RP1L1: variants seen among roughly 807,000 people sequenced by gnomAD.
RP1L1 encodes RP1 like 1.
RP1L1 carries 27 observed loss-of-function variants against 15.7 expected under a neutral mutation model. The observed-to-expected ratio is 1.72, with a 90% CI of 1.27 to 2.38. The LOEUF (loss-of-function observed/expected upper bound fraction) is 2.38, where lower values mean the gene tolerates loss of function less well. RP1L1 is among the 30% of genes most tolerant of loss of function. The probability of loss-of-function intolerance (pLI) is 0.00; values close to 1 mark genes in which losing one functional copy is unlikely to be tolerated. For synonymous variants in RP1L1, 1,813 were observed against 1,276.7 expected (o/e 1.42, Z -8.96); for missense variants, 4,798 against 3,075.9 (o/e 1.56, Z -13.24).
rs943269629 is a variant in RP1L1, at chr8:10,648,019, TTCTC to T, written c.-20+6875_-20+6878del. 9.2e-5 allele frequency among the ~76,000 whole-genome samples: 14 copies of T among 151,836 alleles called. No individual in the cohort carries two copies. The East Asian group carries it at 2.7e-3, about 29-fold the overall frequency. On this transcript the variant is annotated intron_variant, in intron 1 of 3. Transcript: ENST00000382483. ...CTAGCATTTGTTGTTATTTTCTGGT[TTCTC>T]TCTCTCTCTCTTTTCTTTTTTTTTT...
intron 1 of RP1L1, among the ~76,000 whole-genome samples, chr8:10,624,156 A>T (rs11779348): frequency 0.37 from 55,626 of 151,988 alleles, 11,793 homozygotes; most frequent in East Asian, 0.5. Context: ...CTCTCAGAAT[A>T]CTCATCACAT....
chr8:10,650,282 C>T (rs1320782321), intron 1 of RP1L1, among the ~76,000 whole-genome samples: 1 of 152,152 alleles, frequency 6.6e-6, no homozygotes, highest in Non-Finnish European at 1.5e-5. Context: ...AAAACAAACC[C>T]CACATTCTTC....
intron 2 of RP1L1, among the ~76,000 whole-genome samples, chr8:10,617,419 AAAG>A (rs1797985658): frequency 6.7e-6 from 1 of 150,092 alleles, no homozygotes; most frequent in East Asian, 1.9e-4. Context: ...AAAAAAAAAA[AAAG>A]AAAAAAGAAG....
chr8:10,650,059 T>C (rs1206041117), intron 1 of RP1L1, among the ~76,000 whole-genome samples: 3 of 152,194 alleles, frequency 2.0e-5, no homozygotes, highest in Non-Finnish European at 2.9e-5. Context: ...GAGAGGATTC[T>C]GAGAAAGTGT....
intron 2 of RP1L1, among the ~76,000 whole-genome samples, chr8:10,618,358 A>G (rs1429045181): frequency 6.6e-6 from 1 of 152,092 alleles, no homozygotes; most frequent in African/African-American, 2.4e-5. Context: ...AGAAAAAAAA[A>G]TTACTTGAGC....
chr8:10,647,269 A>G (rs1007234997), intron 1 of RP1L1, among the ~76,000 whole-genome samples: 1 of 152,216 alleles, frequency 6.6e-6, no homozygotes, highest in Non-Finnish European at 1.5e-5. Context: ...CCCAGGGGAC[A>G]TATCTGTGAC....
intron 1 of RP1L1, among the ~76,000 whole-genome samples, chr8:10,650,227 A>C (rs1383425310): frequency 1.3e-5 from 2 of 152,162 alleles, no homozygotes; most frequent in Non-Finnish European, 2.9e-5. Context: ...CCAGTGAGTT[A>C]ATCAACCCCA....
intron 2 of RP1L1, among the ~76,000 whole-genome samples, chr8:10,618,498 C>T (rs961770532): frequency 6.6e-6 from 1 of 152,120 alleles, no homozygotes; most frequent in African/African-American, 2.4e-5. Context: ...CAGAGTGAAA[C>T]TCCATCTCAA....
chr8:10,616,683 T>A, intron 2 of RP1L1, 96 bp from the exon 3 acceptor site: 1 of 1,383,092 alleles, frequency 7.2e-7, no homozygotes, highest in Non-Finnish European at 9.6e-7. Context: ...ACCAGCCCTG[T>A]CCTGATTTCT....
At chr8:10,641,444 A>G (rs1334057814) in intron 1 of RP1L1, among the ~76,000 whole-genome samples, 2 of 152,242 alleles carry the variant, frequency 1.3e-5, no homozygotes, top group East Asian at 3.8e-4. Flanking sequence ...ACAGCAGCAT[A>G]ACCTTGCCTA....
chr8:10,612,430 T>C lies in RP1L1; in HGVS notation c.1668A>G (p.Pro556=). The C allele has an allele frequency of 6.2e-7, 1 of 1,612,704 alleles. No individual in the cohort carries two copies. The part of the protein sequence containing the change: ...SEWGGRPQGC[P]GKARAETSQQ... Reference sequence around the variant, plus strand: ...GAGAGGTCTCGGCCCTTGCCTTGCCTGGACAGCCCTGGGGCCGCCCACCCC... The same window carrying C: ...GAGAGGTCTCGGCCCTTGCCTTGCCCGGACAGCCCTGGGGCCGCCCACCCC... Residue 556 remains proline, a synonymous_variant, in exon 4 of 4, where the codon CCA becomes CCG. Coordinates refer to ENST00000382483, the MANE Select transcript of RP1L1 (RefSeq NM_178857.6).
intron 1 of RP1L1, among the ~76,000 whole-genome samples, chr8:10,635,341 C>T (rs1250068169): frequency 6.6e-6 from 1 of 152,220 alleles, no homozygotes; most frequent in Non-Finnish European, 1.5e-5. Flanking sequence ...CTCCCCCACC[C>T]CAGGCTAATC....
At position 10,609,811 on chromosome 8, in the gene RP1L1, C is replaced by T. The variant is rs905062796; in HGVS notation, c.4287G>A (p.Glu1429=). Residue 1429 remains glutamate, a synonymous_variant, in exon 4 of 4, where the codon GAG becomes GAA. Coordinates refer to ENST00000382483, the MANE Select transcript of RP1L1 (RefSeq NM_178857.6). The part of the protein sequence containing the change: ...KGSQEDDPVQ[E]EEAGRASASA... ...AGGCAGAGGCTCTTCCTGCTTCCTC[C>T]TCCTGGACTGGGTCATCTTCCTGGG... 4 of 1,614,094 alleles carry T rather than the reference C, an allele frequency of 2.5e-6. No homozygotes were observed. Among genetic ancestry groups the T allele is most frequent in the South Asian group, 1.1e-5 (1 of 91,084 alleles).
At chr8:10,652,724 C>T (rs1798580805) in intron 1 of RP1L1, among the ~76,000 whole-genome samples, 1 of 152,138 alleles carries the variant, frequency 6.6e-6, no homozygotes, top group Non-Finnish European at 1.5e-5. Flanking sequence ...ATTCCATCTG[C>T]AGCCTGAGGC....
intron 1 of RP1L1, among the ~76,000 whole-genome samples, chr8:10,640,062 C>T (rs1798385191): frequency 6.6e-6 from 1 of 152,140 alleles, no homozygotes; most frequent in Non-Finnish European, 1.5e-5. Flanking sequence ...AAAACTAAAA[C>T]ATAAAGCTAT....
At chr8:10,646,340 A>T (rs1484116542) in intron 1 of RP1L1, among the ~76,000 whole-genome samples, 1 of 152,204 alleles carries the variant, frequency 6.6e-6, no homozygotes, top group Non-Finnish European at 1.5e-5. Context: ...GTTTCAACCC[A>T]GAAGCAGACA....
chr8:10,612,183 T>G lies in RP1L1; in HGVS notation c.1915A>C (p.Arg639=). The part of the protein sequence containing the change: ...STCTSSQQGQ[R]RHRSRASAMS... The stretch of plus-strand genomic sequence containing the variant: ...GCACTGGCCCGGCTTCTGTGCCTTC[T>G]CTGCCCCTGCTGGGATGAAGTGCAG... Residue 639 remains arginine, a synonymous_variant, in exon 4 of 4, where the codon AGA becomes CGA. Transcript: ENST00000382483. 1 of 1,613,364 alleles carries G rather than the reference T, an allele frequency of 6.2e-7. No homozygotes were observed. The highest frequency in any genetic ancestry group is 8.5e-7 in the Non-Finnish European group (1 of 1,180,004).
intron 2 of RP1L1, among the ~76,000 whole-genome samples, chr8:10,619,888 G>C (rs564761953): frequency 6.6e-6 from 1 of 151,704 alleles, no homozygotes; most frequent in Admixed American, 6.6e-5. Flanking sequence ...TTGAACCTAG[G>C]GGGCAGAGGT....
chr8:10,651,150 G>A (rs1188016290), intron 1 of RP1L1, among the ~76,000 whole-genome samples: 1 of 152,170 alleles, frequency 6.6e-6, no homozygotes, highest in African/African-American at 2.4e-5. Context: ...AAACTCCAAG[G>A]CTGTTCTTCC....
Sources: gnomAD v4.1 joint callset for allele counts (sites outside exome capture counted in the v4.1 genomes callset) on GRCh38, gnomAD v4.1.1 for gene constraint, MANE v1.5 for transcripts, NCBI Gene and HGNC (gene_info 2026-07-23, HGNC 2026-07-21) for gene names.